Variants in NSUN6 observed in about 807,000 individuals in gnomAD.
The protein encoded by NSUN6 is tRNA (cytosine(72)-C(5))-methyltransferase NSUN6.
A neutral mutation model predicts 58.0 loss-of-function variants in NSUN6; 64 were observed. The observed-to-expected ratio is 1.10, with a 90% CI of 0.90 to 1.36. The LOEUF (loss-of-function observed/expected upper bound fraction) is 1.36, where lower values mean the gene tolerates loss of function less well. NSUN6 is among the 40% of genes most tolerant of loss of function. The pLI, the probability that NSUN6 is intolerant of heterozygous loss-of-function variation, is 0.00. For missense variants in NSUN6, 701 were observed against 550.1 expected, an observed-to-expected ratio of 1.27 and a Z score of -2.74; for synonymous variants, 231 against 193.9, an observed-to-expected ratio of 1.19 and a Z score of -1.59.
At chr10:18,624,647 C>CAAAAAAAAAAAAA (rs10671283) in intron 3 of NSUN6, among the ~76,000 whole-genome samples, 1 of 77,068 alleles carries the variant, frequency 1.3e-5, no homozygotes, top group African/African-American at 5.3e-5. Context: ...GACTCTGTCT[C>CAAAAAAAAAAAAA]AAAAAAAAAA....
chr10:18,545,872 A>AAAAAG lies in NSUN6; in HGVS notation c.*60_*61insCTTTT. On this transcript the variant is annotated 3_prime_UTR_variant, in exon 11 of 11. Coordinates refer to ENST00000377304, the MANE Select transcript of NSUN6 (RefSeq NM_182543.5). ...TTGGCCTGACAACACTTTGGTTAAA[A>AAAAAG]AAAAAAAAACCACAGACAGCAAATG... 9.7e-7 allele frequency: 1 copy of AAAAAG among 1,032,902 alleles called. No homozygotes were observed. The highest frequency in any genetic ancestry group is 1.5e-6 in the Non-Finnish European group (1 of 686,558). The allele number at this position is 1,032,902 out of a possible 1,614,324, so 64.0% of individuals were successfully genotyped here.
At chr10:18,634,959 A>C (rs929182365) in intron 3 of NSUN6, among the ~76,000 whole-genome samples, 1 of 152,210 alleles carries the variant, frequency 6.6e-6, no homozygotes, top group Non-Finnish European at 1.5e-5. Flanking sequence ...ACAGTTCCCA[A>C]CGGTGACATA....
intron 3 of NSUN6, among the ~76,000 whole-genome samples, chr10:18,623,809 A>G (rs1421137366): frequency 2.6e-5 from 4 of 152,230 alleles, no homozygotes; most frequent in African/African-American, 7.2e-5. Flanking sequence ...GAAAAAAGGT[A>G]TGAGCTAAAG....
At chr10:18,555,500 T>C (rs1056933431) in intron 8 of NSUN6, among the ~76,000 whole-genome samples, 8 of 143,884 alleles carry the variant, frequency 5.6e-5, no homozygotes, top group Middle Eastern at 4.0e-3. Flanking sequence ...GAATGAAGGA[T>C]GGTATGGAGA....
intron 8 of NSUN6, among the ~76,000 whole-genome samples, chr10:18,554,114 G>A (rs933136705): frequency 1.3e-5 from 2 of 151,146 alleles, no homozygotes; most frequent in South Asian, 2.1e-4. Flanking sequence ...CAGGAATGGA[G>A]AAGGGAATAG....
chr10:18,620,759 G>A (rs1232255982), intron 3 of NSUN6, among the ~76,000 whole-genome samples: 2 of 152,130 alleles, frequency 1.3e-5, no homozygotes, highest in African/African-American at 2.4e-5. Flanking sequence ...CTTCTACTGT[G>A]ACTATCATAA....
chr10:18,596,637 T>A (rs1016344929), intron 6 of NSUN6, among the ~76,000 whole-genome samples: 5 of 152,086 alleles, frequency 3.3e-5, no homozygotes, highest in Non-Finnish European at 7.4e-5. Flanking sequence ...AAATAACCCA[T>A]ATTATTTCCT....
At chr10:18,591,708 T>C (rs1426755615) in intron 7 of NSUN6, among the ~76,000 whole-genome samples, 2 of 152,118 alleles carry the variant, frequency 1.3e-5, no homozygotes, top group Non-Finnish European at 2.9e-5. Context: ...TAGGTATTGA[T>C]GGAACATCTC....
chr10:18,548,860 A>G (rs2054441427), intron 9 of NSUN6, among the ~76,000 whole-genome samples: 1 of 152,014 alleles, frequency 6.6e-6, no homozygotes, highest in Admixed American at 6.6e-5. Flanking sequence ...CAAACCTCAG[A>G]TTTTCCTTTA....
At chr10:18,612,298 C>T (rs985852393) in intron 5 of NSUN6, among the ~76,000 whole-genome samples, 4 of 152,042 alleles carry the variant, frequency 2.6e-5, no homozygotes, top group Non-Finnish European at 2.9e-5. Flanking sequence ...TGTCATGTGC[C>T]TATAGTACTA....
intron 8 of NSUN6, among the ~76,000 whole-genome samples, chr10:18,576,495 T>G (rs1217049957): frequency 6.6e-6 from 1 of 152,144 alleles, no homozygotes; most frequent in Non-Finnish European, 1.5e-5. Context: ...CCAAAAGGTT[T>G]TTGTAATTTC....
At chr10:18,600,972 A>ATGTG (rs1564785081) in intron 6 of NSUN6, among the ~76,000 whole-genome samples, 1 of 113,892 alleles carries the variant, frequency 8.8e-6, no homozygotes, top group African/African-American at 3.5e-5. Flanking sequence ...ATATATATAT[A>ATGTG]TATATGTATA....
intron 7 of NSUN6, among the ~76,000 whole-genome samples, chr10:18,590,341 G>T (rs1168690254): frequency 6.6e-6 from 1 of 152,128 alleles, no homozygotes; most frequent in Admixed American, 6.5e-5. Flanking sequence ...GTTAATAGTA[G>T]ATCAATGAGA....
At chr10:18,553,275 C>A (rs922739969) in intron 8 of NSUN6, among the ~76,000 whole-genome samples, 24 of 152,078 alleles carry the variant, frequency 1.6e-4, no homozygotes, top group African/African-American at 5.5e-4. Flanking sequence ...CCATACCATT[C>A]CATTCTCTAT....
intron 8 of NSUN6, among the ~76,000 whole-genome samples, chr10:18,555,672 GATGGTATGGAGA>G (rs990538589): frequency 4.5e-5 from 3 of 66,350 alleles, no homozygotes; most frequent in African/African-American, 1.5e-4. Context: ...TGGAATGGAT[GATGGTATGGAGA>G]ATGGAATGGA....
chr10:18,628,293 C>A (rs1023030096), intron 3 of NSUN6, among the ~76,000 whole-genome samples: 4 of 152,086 alleles, frequency 2.6e-5, no homozygotes, highest in Non-Finnish European at 5.9e-5. Context: ...GATAAAACCA[C>A]AAAGATGGGG....
At chr10:18,554,122 T>A (rs192070214) in intron 8 of NSUN6, among the ~76,000 whole-genome samples, 1 of 145,250 alleles carries the variant, frequency 6.9e-6, no homozygotes, top group South Asian at 2.2e-4. Flanking sequence ...GAGAAGGGAA[T>A]AGAATTGAAT....
At chr10:18,629,067 T>A (rs543126203) in intron 3 of NSUN6, among the ~76,000 whole-genome samples, 2 of 152,254 alleles carry the variant, frequency 1.3e-5, no homozygotes, top group South Asian at 4.2e-4. Flanking sequence ...TGGCAGAAAC[T>A]CTACAAGCCA....
intron 5 of NSUN6, 93 bp from the exon 6 acceptor site, chr10:18,610,019 A>G (rs1161658494): frequency 5.2e-6 from 4 of 775,636 alleles, no homozygotes; most frequent in South Asian, 1.5e-5. Context: ...CCTGTCAAAC[A>G]TAAGATGCTC....
Sources: gnomAD v4.1 joint callset for allele counts (sites outside exome capture counted in the v4.1 genomes callset) on GRCh38, gnomAD v4.1.1 for gene constraint, MANE v1.5 for transcripts, NCBI Gene and HGNC (gene_info 2026-07-23, HGNC 2026-07-21) for gene names.